The following AK5 variants were observed in gnomAD, a reference collection of about 807,000 sequenced individuals.
The protein encoded by AK5 is adenylate kinase 5.
A neutral mutation model predicts 69.5 loss-of-function variants in AK5; 27 were observed. The ratio of observed to expected loss-of-function variants is 0.39; its 90% CI spans 0.29 to 0.54. The LOEUF is 0.54. AK5 is among the 20% of genes least tolerant of loss of function. AK5 has a pLI of 0.71. For synonymous variants in AK5, 260 were observed against 244.4 expected, an observed-to-expected ratio of 1.06 and a Z score of -0.60; for missense variants, 531 against 700.4, an observed-to-expected ratio of 0.76 and a Z score of 2.73.
intron 10 of AK5, among the ~76,000 whole-genome samples, chr1:77,493,872 A>G (rs918120020): frequency 1.3e-5 from 2 of 152,248 alleles, no homozygotes; most frequent in African/African-American, 2.4e-5. Context: ...TGTGGTGACA[A>G]TGAACCTACT....
intron 10 of AK5, among the ~76,000 whole-genome samples, chr1:77,487,541 G>T (rs1349194337): frequency 6.6e-6 from 1 of 152,192 alleles, no homozygotes; most frequent in East Asian, 1.9e-4. Flanking sequence ...AGTGGGAAAA[G>T]AATGGTTGTC....
intron 8 of AK5, among the ~76,000 whole-genome samples, chr1:77,434,803 A>G (rs72681644): frequency 0.11 from 16,581 of 152,206 alleles, 1,018 homozygotes; most frequent in South Asian, 0.17. Context: ...CTGATGAAAA[A>G]CTACTTGAAT....
intron 13 of AK5, among the ~76,000 whole-genome samples, chr1:77,552,603 T>C (rs796226167): frequency 8.5e-5 from 13 of 152,324 alleles, no homozygotes; most frequent in African/African-American, 3.1e-4. Flanking sequence ...TCAAAGGTTG[T>C]TGTAATGAGC....
chr1:77,376,774 T>C (rs1475478518), intron 6 of AK5, among the ~76,000 whole-genome samples: 1 of 151,862 alleles, frequency 6.6e-6, no homozygotes, highest in Non-Finnish European at 1.5e-5. Flanking sequence ...ACCTCCTGTC[T>C]ACAAAAAGAT....
chr1:77,547,160 A>C (rs956524991), intron 13 of AK5, among the ~76,000 whole-genome samples: 3 of 152,250 alleles, frequency 2.0e-5, no homozygotes, highest in Non-Finnish European at 2.9e-5. Flanking sequence ...GTAGTCACAT[A>C]AACAAAAGTA....
intron 10 of AK5, among the ~76,000 whole-genome samples, chr1:77,505,446 A>G (rs1370557714): frequency 6.6e-6 from 1 of 152,212 alleles, no homozygotes; most frequent in African/African-American, 2.4e-5. Flanking sequence ...AAACAAAACA[A>G]AATGTGTCTT....
At chr1:77,327,390 C>CAAAAA (rs4033041) in intron 5 of AK5, among the ~76,000 whole-genome samples, 2 of 128,946 alleles carry the variant, frequency 1.6e-5, no homozygotes, top group African/African-American at 2.9e-5. Context: ...GATCCTGTCT[C>CAAAAA]AAAAAAAAAA....
intron 6 of AK5, among the ~76,000 whole-genome samples, chr1:77,408,982 T>G (rs1349006050): frequency 2.0e-5 from 3 of 152,294 alleles, no homozygotes; most frequent in South Asian, 4.1e-4. Context: ...TCTTATCGTT[T>G]AGCTCCCACT....
At chr1:77,509,609 G>A (rs540860612) in intron 10 of AK5, among the ~76,000 whole-genome samples, 2 of 152,264 alleles carry the variant, frequency 1.3e-5, no homozygotes, top group South Asian at 2.1e-4. Flanking sequence ...CATTTAGGGA[G>A]AAAGAAATAT....
At chr1:77,520,871 G>C (rs921468243) in intron 11 of AK5, among the ~76,000 whole-genome samples, 1 of 152,064 alleles carries the variant, frequency 6.6e-6, no homozygotes, top group Non-Finnish European at 1.5e-5. Context: ...TGCAATGGCC[G>C]CATTCCCCAA....
At chr1:77,501,829 C>T (rs1656738834) in intron 10 of AK5, among the ~76,000 whole-genome samples, 1 of 152,190 alleles carries the variant, frequency 6.6e-6, no homozygotes, top group African/African-American at 2.4e-5. Context: ...GAATCCTGAA[C>T]TAAAATATCA....
chr1:77,439,843 T>G (rs1257662391), intron 8 of AK5, among the ~76,000 whole-genome samples: 1 of 151,804 alleles, frequency 6.6e-6, no homozygotes, highest in Admixed American at 6.6e-5. Flanking sequence ...TCATTTTCCT[T>G]ATTCATTCAT....
At position 77,558,735 on chromosome 1, in the gene AK5, A is replaced by AAT; in HGVS notation, c.*66_*67dup. On this transcript the variant is annotated 3_prime_UTR_variant, in exon 14 of 14. Transcript: ENST00000354567. ...CATTAAAAAGTTCATTCCTTAACACAATGTTTCAAGTTAAACCTTTTGTGT... is the reference window on the plus strand; with the variant it reads ...CATTAAAAAGTTCATTCCTTAACACAATATGTTTCAAGTTAAACCTTTTGTGT... The AAT allele has an allele frequency of 1.7e-6, 2 of 1,189,562 alleles. No individual in the cohort carries two copies. Among genetic ancestry groups the AAT allele is most frequent in the East Asian group, 2.3e-5 (1 of 42,804 alleles). 73.7% of individuals were successfully genotyped at this position (1,189,562 alleles called of 1,614,324 possible). A position where few individuals can be genotyped will look rare whatever the true frequency, so the allele number is the denominator to read the frequency against.
At chr1:77,316,778 G>A (rs940272789) in intron 5 of AK5, among the ~76,000 whole-genome samples, 1 of 152,142 alleles carries the variant, frequency 6.6e-6, no homozygotes, top group African/African-American at 2.4e-5. Flanking sequence ...AGTAGAAGAT[G>A]ATTATTCATT....
At chr1:77,407,510 G>A (rs759853805) in intron 6 of AK5, among the ~76,000 whole-genome samples, 1 of 152,146 alleles carries the variant, frequency 6.6e-6, no homozygotes, top group Non-Finnish European at 1.5e-5. Flanking sequence ...GAAGGAAAAG[G>A]GATTCCAAAG....
chr1:77,481,939 T>C (rs78698458), intron 8 of AK5, among the ~76,000 whole-genome samples: 1,551 of 152,284 alleles, frequency 0.01, 35 homozygotes, highest in East Asian at 0.079. Context: ...TGGTACCACA[T>C]ATACAATAGA....
At chr1:77,474,776 C>CACAAACACACATGAAAACGG (rs1654742376) in intron 8 of AK5, among the ~76,000 whole-genome samples, 1 of 152,166 alleles carries the variant, frequency 6.6e-6, no homozygotes, top group African/African-American at 2.4e-5. Context: ...CCTGAAAACA[C>CACAAACACACATGAAAACGG]ACAAACACAC....
intron 5 of AK5, among the ~76,000 whole-genome samples, chr1:77,310,982 G>A (rs1296529918): frequency 1.3e-5 from 2 of 151,894 alleles, no homozygotes; most frequent in Non-Finnish European, 2.9e-5. Context: ...TGCTACTATT[G>A]TGAATGAGCT....
chr1:77,284,508 C>A (rs2100635499), intron 1 of AK5, among the ~76,000 whole-genome samples: 1 of 152,304 alleles, frequency 6.6e-6, no homozygotes, highest in Non-Finnish European at 1.5e-5. Context: ...TTTGAGACAT[C>A]ATGTAAGCTA....
Sources: allele counts gnomAD v4.1 joint callset (sites outside exome capture counted in the v4.1 genomes callset), GRCh38; gene constraint gnomAD v4.1.1; transcripts MANE v1.5; gene names NCBI Gene and HGNC (gene_info 2026-07-23, HGNC 2026-07-21).